TGFBR2: variants seen among roughly 807,000 people sequenced by gnomAD.
The protein encoded by TGFBR2 is transforming growth factor beta receptor 2, also known as TGF-beta receptor type-2.
In TGFBR2, 18 loss-of-function variants were observed where a neutral mutation model predicts 49.0. The observed-to-expected ratio is 0.37, with a 90% CI of 0.25 to 0.54. The LOEUF (loss-of-function observed/expected upper bound fraction) is 0.54, where lower values mean the gene tolerates loss of function less well. TGFBR2 is among the 20% of genes least tolerant of loss of function. The pLI, the probability that TGFBR2 is intolerant of heterozygous loss-of-function variation, is 0.85. For missense variants in TGFBR2, 525 were observed against 722.6 expected (o/e 0.73, Z 3.13); for synonymous variants, 282 against 275.9 (o/e 1.02, Z -0.22).
intron 1 of TGFBR2, among the ~76,000 whole-genome samples, chr3:30,644,110 C>T (rs888196131): frequency 1.3e-5 from 2 of 152,240 alleles, no homozygotes; most frequent in South Asian, 2.1e-4. Context: ...AATTGATTTG[C>T]CTCAAACACA....
intron 5 of TGFBR2, 124 bp downstream of exon 5, chr3:30,674,370 A>G: frequency 7.7e-7 from 1 of 1,299,520 alleles, no homozygotes; most frequent in Non-Finnish European, 1.1e-6. Flanking sequence ...ATCTGATATT[A>G]TACAACCATC....
chr3:30,606,518 C>G (rs1697919976), upstream of TGFBR2: 1 of 260,104 alleles, frequency 3.8e-6, no homozygotes, highest in Non-Finnish European at 7.4e-6. Context: ...GGAGAAGGCT[C>G]TCGGGCGGAG....
chr3:30,612,001 T>C (rs1698038939), intron 1 of TGFBR2, among the ~76,000 whole-genome samples: 1 of 152,222 alleles, frequency 6.6e-6, no homozygotes, highest in Non-Finnish European at 1.5e-5. Context: ...TCACCGCTTC[T>C]TTTGCACTCT....
At chr3:30,610,077 A>G (rs1018186288) in intron 1 of TGFBR2, among the ~76,000 whole-genome samples, 3 of 152,170 alleles carry the variant, frequency 2.0e-5, no homozygotes, top group Non-Finnish European at 4.4e-5. Context: ...CTCTGATATC[A>G]TTGCAAAAAC....
chr3:30,608,160 A>G (rs1025396889), intron 1 of TGFBR2, among the ~76,000 whole-genome samples: 6 of 151,840 alleles, frequency 4.0e-5, no homozygotes, highest in Non-Finnish European at 8.8e-5. Flanking sequence ...GGTGGTCTCG[A>G]TCTCTTGACC....
At chr3:30,652,003 G>A (rs568345998) in intron 3 of TGFBR2, among the ~76,000 whole-genome samples, 24 of 152,242 alleles carry the variant, frequency 1.6e-4, no homozygotes, top group Middle Eastern at 3.4e-3. Flanking sequence ...CTCGTGTTTC[G>A]TGTTTGGTGC....
intron 1 of TGFBR2, among the ~76,000 whole-genome samples, chr3:30,614,598 T>C (rs1028918316): frequency 1.3e-5 from 2 of 152,256 alleles, no homozygotes; most frequent in Admixed American, 1.3e-4. Flanking sequence ...AGAGACTTCA[T>C]GGACTAATTT....
intron 3 of TGFBR2, among the ~76,000 whole-genome samples, chr3:30,669,121 C>CAAAAAAAAA (rs56069409): frequency 8.4e-4 from 70 of 83,478 alleles, no homozygotes; most frequent in South Asian, 1.9e-3. Context: ...ACTAAAAATA[C>CAAAAAAAAA]AAAAAAAAAA....
intron 1 of TGFBR2, among the ~76,000 whole-genome samples, chr3:30,622,926 G>T (rs377720380): frequency 1.6e-5 from 2 of 121,412 alleles, no homozygotes; most frequent in African/African-American, 6.0e-5. Flanking sequence ...AAAAGAAAAA[G>T]AAAAAGAGAA....
At chr3:30,615,013 T>C (rs1698105184) in intron 1 of TGFBR2, among the ~76,000 whole-genome samples, 1 of 152,204 alleles carries the variant, frequency 6.6e-6, no homozygotes, top group Admixed American at 6.5e-5. Context: ...TAACACTCGG[T>C]TTATACACCA....
intron 6 of TGFBR2, 121 bp from the exon 7 acceptor site, chr3:30,691,299 A>T: frequency 3.7e-6 from 4 of 1,091,728 alleles, no homozygotes; most frequent in South Asian, 1.4e-5. Flanking sequence ...AGCACATGTT[A>T]AATGCACAGG....
At chr3:30,648,432 ACAC>A (rs1698813497) in intron 2 of TGFBR2, among the ~76,000 whole-genome samples, 3 of 90,552 alleles carry the variant, frequency 3.3e-5, no homozygotes, top group South Asian at 3.5e-4. Flanking sequence ...ACACACACAC[ACAC>A]ACACACACAC....
At chr3:30,642,387 G>A (rs1399950796) in intron 1 of TGFBR2, among the ~76,000 whole-genome samples, 1 of 152,152 alleles carries the variant, frequency 6.6e-6, no homozygotes, top group Non-Finnish European at 1.5e-5. Context: ...TCTCAACCTT[G>A]GTTCCACATT....
intron 1 of TGFBR2, among the ~76,000 whole-genome samples, chr3:30,641,939 T>C (rs1698654096): frequency 6.6e-6 from 1 of 151,902 alleles, no homozygotes; most frequent in African/African-American, 2.4e-5. Flanking sequence ...ACATCCTTCT[T>C]CCCTTTCTCT....
intron 1 of TGFBR2, among the ~76,000 whole-genome samples, chr3:30,619,277 A>T (rs17025726): frequency 0.011 from 1,680 of 152,262 alleles, 39 homozygotes; most frequent in South Asian, 0.05. Context: ...TCATCTGTAA[A>T]AATCACCTAA....
chr3:30,625,413 A>G (rs1013409407), intron 1 of TGFBR2, among the ~76,000 whole-genome samples: 1 of 152,208 alleles, frequency 6.6e-6, no homozygotes, highest in Non-Finnish European at 1.5e-5. Flanking sequence ...AAAGGGAGAT[A>G]TGCTTTCTCA....
In TGFBR2 at chr3:30,685,789, C is replaced by T. The variant is rs144773676; in HGVS notation, c.1397-2595C>T. On this transcript the variant is annotated intron_variant, in intron 5 of 6. Coordinates refer to ENST00000295754, the MANE Select transcript of TGFBR2 (RefSeq NM_003242.6). ...AGGTGTGAGCCCTTATGAGCCAACA[C>T]CTGTGGCAGCTGTAGGCTGCTGGCC... Among the ~76,000 whole-genome samples, 154 of 152,344 alleles carry T rather than the reference C, an allele frequency of 1.0e-3. No individual in the cohort carries two copies. The Middle Eastern group carries it at 0.014, about 13-fold the overall frequency.
intron 3 of TGFBR2, among the ~76,000 whole-genome samples, chr3:30,664,385 C>T (rs1288158927): frequency 6.6e-6 from 1 of 152,108 alleles, no homozygotes; most frequent in Admixed American, 6.5e-5. Flanking sequence ...TTTAATAATT[C>T]TGAAAATTTC....
chr3:30,625,241 G>T (rs2071645804), intron 1 of TGFBR2, among the ~76,000 whole-genome samples: 1 of 152,076 alleles, frequency 6.6e-6, no homozygotes, highest in East Asian at 1.9e-4. Flanking sequence ...AATAAAAAAA[G>T]AAAAATATTA....
Sources: allele counts gnomAD v4.1 joint callset (sites outside exome capture counted in the v4.1 genomes callset), GRCh38; gene constraint gnomAD v4.1.1; transcripts MANE v1.5; gene names NCBI Gene and HGNC (gene_info 2026-07-23, HGNC 2026-07-21).